Variants in LRRTM4 observed in about 807,000 individuals in gnomAD.
The protein encoded by LRRTM4 is leucine-rich repeat transmembrane neuronal protein 4.
In LRRTM4, 25 loss-of-function variants were observed where a neutral mutation model predicts 47.6. The observed-to-expected ratio is 0.53, with a 90% CI of 0.38 to 0.73. LRRTM4 has a LOEUF of 0.73. Ranked by LOEUF, LRRTM4 falls within the 30% of genes least tolerant of loss-of-function variation. The pLI is 0.00. For synonymous variants in LRRTM4, 311 were observed against 269.5 expected, an observed-to-expected ratio of 1.15 and a Z score of -1.51; for missense variants, 638 against 713.4, an observed-to-expected ratio of 0.89 and a Z score of 1.20.
chr2:77,074,432 A>C (rs1228918342), intron 3 of LRRTM4, among the ~76,000 whole-genome samples: 1 of 152,120 alleles, frequency 6.6e-6, no homozygotes, highest in African/African-American at 2.4e-5. Flanking sequence ...AATTAGTAGT[A>C]GTAAGATCAT....
At position 76,782,941 on chromosome 2, in the gene LRRTM4, T is replaced by C. The variant is rs146539723; in HGVS notation, c.1552-34025A>G. On this transcript the variant is annotated intron_variant, in intron 3 of 3. Transcript: ENST00000409884. ...TAATCAAATACCATATAACAAATTG[T>C]TGAAGCTTTTATTCAAAGATTGTAG... is the stretch of plus-strand genomic sequence containing the variant. 1.5e-3 allele frequency among the ~76,000 whole-genome samples: 222 copies of C among 152,344 alleles called. 1 individual carries two copies. Among genetic ancestry groups the C allele is most frequent in the African/African-American group, 5.1e-3 (211 of 41,592 alleles).
chr2:76,787,257 T>A (rs191675982), intron 3 of LRRTM4, among the ~76,000 whole-genome samples: 18 of 152,276 alleles, frequency 1.2e-4, no homozygotes, highest in African/African-American at 3.6e-4. Context: ...CCAGAAATAA[T>A]TTAGAATGCA....
At chr2:76,907,780 A>G (rs1673900597) in intron 3 of LRRTM4, among the ~76,000 whole-genome samples, 1 of 132,712 alleles carries the variant, frequency 7.5e-6, no homozygotes, top group Non-Finnish European at 1.6e-5. Flanking sequence ...ACACTCTCCC[A>G]AGACTAAACC....
intron 3 of LRRTM4, among the ~76,000 whole-genome samples, chr2:76,770,057 G>A (rs1176410975): frequency 6.6e-6 from 1 of 152,152 alleles, no homozygotes; most frequent in Non-Finnish European, 1.5e-5. Flanking sequence ...TGCTTTTAGA[G>A]TGGGAGATGA....
Position 77,248,642 on chromosome 2 carries a change from A to T in LRRTM4, c.1551+269676T>A, listed in dbSNP as rs1220333234. 2.0e-5 allele frequency among the ~76,000 whole-genome samples: 3 copies of T among 152,180 alleles called. No homozygotes were observed. In the South Asian group the frequency reaches 6.2e-4, roughly 32 times the overall value. ...GAGTTCTGACACTATCTCATTTCAA[A>T]ACTTACCATAGAGTTATAGCAATCG... On this transcript the variant is annotated intron_variant, in intron 3 of 3. Transcript: ENST00000409884.
chr2:76,951,200 A>T (rs1027836027), intron 3 of LRRTM4, among the ~76,000 whole-genome samples: 1 of 152,066 alleles, frequency 6.6e-6, no homozygotes, highest in African/African-American at 2.4e-5. Flanking sequence ...AGGAACAATA[A>T]AGCTGAAGTG....
chr2:77,279,522 T>C (rs1676451262), intron 3 of LRRTM4, among the ~76,000 whole-genome samples: 1 of 151,986 alleles, frequency 6.6e-6, no homozygotes, highest in Non-Finnish European at 1.5e-5. Context: ...TTAGCCATTA[T>C]AAAACTATGG....
At chr2:76,860,632 A>C (rs1384540948) in intron 3 of LRRTM4, among the ~76,000 whole-genome samples, 1 of 152,186 alleles carries the variant, frequency 6.6e-6, no homozygotes, top group East Asian at 1.9e-4. Flanking sequence ...GAACTTAGCT[A>C]TAGTTTTTGG....
intron 3 of LRRTM4, among the ~76,000 whole-genome samples, chr2:76,917,643 T>C (rs930786280): frequency 2.0e-5 from 3 of 152,092 alleles, no homozygotes; most frequent in African/African-American, 7.2e-5. Flanking sequence ...ACTGCACACA[T>C]GAAGGAGCTA....
At chr2:77,336,442 A>C (rs540337213) in intron 3 of LRRTM4, among the ~76,000 whole-genome samples, 8 of 152,212 alleles carry the variant, frequency 5.3e-5, no homozygotes, top group Admixed American at 2.0e-4. Context: ...CCAACACCCC[A>C]GATGAACATA....
chr2:76,991,156 C>A (rs1676993740), intron 3 of LRRTM4, among the ~76,000 whole-genome samples: 1 of 151,544 alleles, frequency 6.6e-6, no homozygotes, highest in South Asian at 2.1e-4. Flanking sequence ...GTGTTAAGAG[C>A]AAAATTTTTA....
At chr2:77,276,320 AGAAG>A (rs200577315) in intron 3 of LRRTM4, among the ~76,000 whole-genome samples, 3,771 of 142,434 alleles carry the variant, frequency 0.026, 150 homozygotes, top group African/African-American at 0.081. Context: ...AAGGAAGAGA[AGAAG>A]GAAGGAAGGA....
intron 3 of LRRTM4, among the ~76,000 whole-genome samples, chr2:76,780,731 G>T (rs113627737): frequency 6.6e-6 from 1 of 152,026 alleles, no homozygotes; most frequent in Admixed American, 6.5e-5. Context: ...AGAGTAATTT[G>T]ATTGTCTGAA....
At chr2:76,782,384 C>G (rs895479008) in intron 3 of LRRTM4, among the ~76,000 whole-genome samples, 3 of 152,118 alleles carry the variant, frequency 2.0e-5, no homozygotes, top group African/African-American at 7.2e-5. Context: ...GGGAGAAGTT[C>G]CAGTATAACT....
Position 76,790,520 on chromosome 2 carries a change from GA to G in LRRTM4, c.1552-41605del, listed in dbSNP as rs577234437. 3.0e-3 allele frequency among the ~76,000 whole-genome samples: 454 copies of G among 152,242 alleles called. 1 individual carries two copies. The highest frequency in any genetic ancestry group is 0.01 in the African/African-American group (435 of 41,548). Reference sequence around the variant, plus strand: ...AATGAGGAAAATGGAAACTATTTCAGAAAGTACTTTGGGGTTTAAATAAGAA... The same window carrying G: ...AATGAGGAAAATGGAAACTATTTCAGAAGTACTTTGGGGTTTAAATAAGAA... On this transcript the variant is annotated intron_variant, in intron 3 of 3. Coordinates refer to ENST00000409884, the MANE Select transcript of LRRTM4 (RefSeq NM_001134745.3).
intron 3 of LRRTM4, among the ~76,000 whole-genome samples, chr2:77,339,792 A>AG (rs765997736): frequency 2.0e-5 from 3 of 151,948 alleles, no homozygotes; most frequent in Non-Finnish European, 4.4e-5. Context: ...TGAGGAGTGA[A>AG]GGGGAAAAAG....
chr2:76,831,905 A>G (rs779069039), intron 3 of LRRTM4, among the ~76,000 whole-genome samples: 4 of 152,018 alleles, frequency 2.6e-5, no homozygotes, highest in Non-Finnish European at 4.4e-5. Flanking sequence ...ATACCCACAT[A>G]CCCTTTTGGG....
chr2:76,917,416 C>T (rs944045149), intron 3 of LRRTM4, among the ~76,000 whole-genome samples: 3 of 152,150 alleles, frequency 2.0e-5, no homozygotes, highest in Non-Finnish European at 4.4e-5. Context: ...TGTGCATCTC[C>T]ATTGGAGGAG....
At chr2:77,485,947 C>A (rs991051829) in intron 3 of LRRTM4, among the ~76,000 whole-genome samples, 9 of 151,704 alleles carry the variant, frequency 5.9e-5, no homozygotes, top group Non-Finnish European at 1.3e-4. Flanking sequence ...CATGTTTGCC[C>A]AGGCGGGTCT....
Sources: allele counts gnomAD v4.1 joint callset (sites outside exome capture counted in the v4.1 genomes callset), GRCh38; gene constraint gnomAD v4.1.1; transcripts MANE v1.5; gene names NCBI Gene and HGNC (gene_info 2026-07-23, HGNC 2026-07-21).